The following CPB1 variants were observed in gnomAD, a reference collection of about 807,000 sequenced individuals.
CPB1 encodes carboxypeptidase B.
A neutral mutation model predicts 51.4 loss-of-function variants in CPB1; 53 were observed. The observed-to-expected ratio is 1.03, with a 90% CI of 0.83 to 1.30. The LOEUF (loss-of-function observed/expected upper bound fraction) is 1.30. CPB1 is among the 50% of genes most tolerant of loss of function. The pLI, the probability that CPB1 is intolerant of heterozygous loss-of-function variation, is 0.00. For synonymous variants in CPB1, 189 were observed against 186.9 expected (o/e 1.01, Z -0.09); for missense variants, 494 against 516.2 (o/e 0.96, Z 0.42).
intron 9 of CPB1, among the ~76,000 whole-genome samples, chr3:148,848,961 C>T (rs560901641): frequency 1.4e-4 from 22 of 152,202 alleles, no homozygotes; most frequent in Non-Finnish European, 3.1e-4. Flanking sequence ...ACAAAGTGCA[C>T]TCTGAGCTTC....
At chr3:148,835,797 C>T (rs1010630720) in intron 3 of CPB1, among the ~76,000 whole-genome samples, 3 of 152,138 alleles carry the variant, frequency 2.0e-5, no homozygotes, top group African/African-American at 7.2e-5. Flanking sequence ...AGAAATTTCT[C>T]TTGTTTTTCA....
chr3:148,852,236 T>A (rs1035051038), intron 9 of CPB1, among the ~76,000 whole-genome samples: 15 of 152,198 alleles, frequency 9.9e-5, no homozygotes, highest in Admixed American at 9.8e-4. Flanking sequence ...TAGTTTACCA[T>A]AACTAAATAT....
At chr3:148,841,704 C>T in intron 5 of CPB1, 119 bp from the exon 6 acceptor site, 1 of 661,416 alleles carries the variant, frequency 1.5e-6, no homozygotes, top group Non-Finnish European at 2.7e-6. Context: ...TCATGGGATC[C>T]AGCTCTTGCT....
At chr3:148,838,813 A>G (rs1217892757) in intron 3 of CPB1, among the ~76,000 whole-genome samples, 2 of 152,332 alleles carry the variant, frequency 1.3e-5, no homozygotes, top group South Asian at 4.1e-4. Context: ...ACTTTTCTAA[A>G]GCCAATTTAT....
intron 2 of CPB1, among the ~76,000 whole-genome samples, chr3:148,828,356 T>A (rs1345012279): frequency 1.3e-5 from 2 of 152,226 alleles, no homozygotes; most frequent in Non-Finnish European, 2.9e-5. Context: ...GAACATCTAA[T>A]GTACAGTCAC....
chr3:148,858,295 G>A (rs1031443183), intron 10 of CPB1, among the ~76,000 whole-genome samples: 15 of 152,150 alleles, frequency 9.9e-5, no homozygotes, highest in Admixed American at 3.3e-4. Context: ...GTTTTCAGCC[G>A]GGTGCAGTGG....
chr3:148,832,081 T>C (rs1250881678), intron 2 of CPB1, among the ~76,000 whole-genome samples: 1 of 152,154 alleles, frequency 6.6e-6, no homozygotes, highest in Non-Finnish European at 1.5e-5. Context: ...CATGTCAAAC[T>C]GAAATTTTTA....
chr3:148,845,666 G>T, intron 9 of CPB1, 40 bp downstream of exon 9: 1 of 1,475,650 alleles, frequency 6.8e-7, no homozygotes, highest in Non-Finnish European at 9.4e-7. Context: ...TTACTATTGA[G>T]ATTTTTTAAA....
chr3:148,854,876 A>G (rs888093421), intron 9 of CPB1: 1 of 152,260 alleles, frequency 6.6e-6, no homozygotes, highest in Non-Finnish European at 1.5e-5. Flanking sequence ...AAGAGAGTAG[A>G]GGCAGCTTCA....
At chr3:148,836,125 T>C (rs1712895318) in intron 3 of CPB1, among the ~76,000 whole-genome samples, 1 of 151,996 alleles carries the variant, frequency 6.6e-6, no homozygotes, top group South Asian at 2.1e-4. Context: ...AATGCTGCTA[T>C]GGTTTACTGT....
chr3:148,852,917 T>C (rs956327555), intron 9 of CPB1, among the ~76,000 whole-genome samples: 2 of 152,194 alleles, frequency 1.3e-5, no homozygotes, highest in African/African-American at 4.8e-5. Flanking sequence ...GCCTCCTTTT[T>C]CTCAAAACAT....
intron 1 of CPB1, 32 bp from the exon 2 acceptor site, chr3:148,827,970 A>G: frequency 3.1e-6 from 5 of 1,612,970 alleles, no homozygotes; most frequent in South Asian, 2.2e-5. Context: ...CTCATTTCCA[A>G]TTCTCTGTGC....
chr3:148,829,269 C>A (rs964413665), intron 2 of CPB1, among the ~76,000 whole-genome samples: 1 of 152,088 alleles, frequency 6.6e-6, no homozygotes, highest in Non-Finnish European at 1.5e-5. Context: ...GTCTATATTT[C>A]TTTTTTTAAA....
chr3:148,830,097 C>T (rs532081965), intron 2 of CPB1, among the ~76,000 whole-genome samples: 2 of 152,284 alleles, frequency 1.3e-5, no homozygotes, highest in East Asian at 3.9e-4. Context: ...CCACAGCTTC[C>T]TTTCCTCAGC....
intron 2 of CPB1, among the ~76,000 whole-genome samples, chr3:148,833,237 C>G (rs1379468015): frequency 6.6e-6 from 1 of 152,140 alleles, no homozygotes; most frequent in Non-Finnish European, 1.5e-5. Context: ...TCCTTTCAAT[C>G]CCTTTGTGAC....
intron 2 of CPB1, among the ~76,000 whole-genome samples, chr3:148,829,407 T>A (rs1712664320): frequency 6.6e-6 from 1 of 152,222 alleles, no homozygotes; most frequent in Non-Finnish European, 1.5e-5. Context: ...TTTAGCATCT[T>A]AAACAGTCAT....
intron 9 of CPB1, chr3:148,851,300 A>C (rs1353705637): frequency 7.2e-6 from 1 of 139,180 alleles, no homozygotes; most frequent in Non-Finnish European, 1.5e-5. Context: ...ATGCCACTGC[A>C]CTCCAGCCTG....
intron 2 of CPB1, among the ~76,000 whole-genome samples, chr3:148,834,001 T>C (rs1003425713): frequency 6.6e-6 from 1 of 152,212 alleles, no homozygotes; most frequent in African/African-American, 2.4e-5. Context: ...TCCTGATGTA[T>C]CCACCACAGG....
In CPB1 at chr3:148,844,718, T is replaced by C. The variant is rs752103864; in HGVS notation, c.729T>C (p.Ser243=). 7 of 1,614,040 alleles carry C rather than the reference T, an allele frequency of 4.3e-6. No homozygotes were observed. The Admixed American group carries it at 1.2e-4, about 27-fold the overall frequency. Residue 243 remains serine, a synonymous_variant, in exon 8 of 11, where the codon TCT becomes TCC. Transcript: ENST00000282957. ...WRKTRSTHTG[S]SCIGTDPNRN... is the part of the protein sequence containing the mutation. ...AGACTCGCTCCACCCATACTGGATC[T>C]AGCTGCATTGGCACAGACCCCAACA...
Sources: allele counts gnomAD v4.1 joint callset (sites outside exome capture counted in the v4.1 genomes callset), GRCh38; gene constraint gnomAD v4.1.1; transcripts MANE v1.5; gene names NCBI Gene and HGNC (gene_info 2026-07-23, HGNC 2026-07-21).